Variants in BICDL1 observed in about 807,000 individuals in gnomAD.
The protein encoded by BICDL1 is BICD family-like cargo adapter 1.
In BICDL1, 20 loss-of-function variants were observed where a neutral mutation model predicts 76.8. The observed-to-expected ratio is 0.26, with a 90% CI of 0.18 to 0.38. BICDL1 has a LOEUF of 0.38. Ranked by LOEUF, BICDL1 falls within the 10% of genes least tolerant of loss-of-function variation. The pLI is 1.00. For missense variants in BICDL1, 700 were observed against 798.6 expected (o/e 0.88, Z 1.49); for synonymous variants, 383 against 337.1 (o/e 1.14, Z -1.49).
At chr12:120,083,598 C>A (rs1348962006) in intron 8 of BICDL1, among the ~76,000 whole-genome samples, 1 of 151,618 alleles carries the variant, frequency 6.6e-6, no homozygotes, top group East Asian at 1.9e-4. Context: ...AATGTGTCTA[C>A]TTTGGGGTCA....
intron 2 of BICDL1, among the ~76,000 whole-genome samples, chr12:120,024,661 TATA>T (rs1177536040): frequency 1.3e-5 from 2 of 151,244 alleles, no homozygotes; most frequent in African/African-American, 2.4e-5. Flanking sequence ...TACTCTCAAA[TATA>T]ATAATTTATT....
At position 119,998,535 on chromosome 12, in the gene BICDL1, G is replaced by A; in HGVS notation, c.444G>A (p.Glu148=). Residue 148 remains glutamate, a synonymous_variant, in exon 2 of 10, where the codon GAG becomes GAA. Coordinates refer to ENST00000548673, the MANE Select transcript of BICDL1 (RefSeq NM_001367886.1). ...TTTTCACCCAGCACTTAGAGCAAGAGAAACATGAATTGAGAAGACGATTTG... is the reference window on the plus strand; with the variant it reads ...TTTTCACCCAGCACTTAGAGCAAGAAAAACATGAATTGAGAAGACGATTTG... ...LTDKLEHLEQ[E]KHELRRRFEN... is the part of the protein sequence containing the mutation. 1.2e-6 allele frequency: 2 copies of A among 1,607,982 alleles called. No individual in the cohort carries two copies. The highest frequency in any genetic ancestry group is 8.5e-7 in the Non-Finnish European group (1 of 1,177,192).
chr12:120,019,129 T>G (rs1952127907), intron 2 of BICDL1: 1 of 152,020 alleles, frequency 6.6e-6, no homozygotes, highest in Non-Finnish European at 1.5e-5. Flanking sequence ...ACCGCCAGCT[T>G]GCTTAAGGTG....
chr12:120,049,125 C>A (rs1405474955), intron 2 of BICDL1, among the ~76,000 whole-genome samples: 1 of 152,140 alleles, frequency 6.6e-6, no homozygotes, highest in Non-Finnish European at 1.5e-5. Context: ...AGAGTTTGTG[C>A]CTGGGGTGCT....
At chr12:120,050,101 T>A (rs146056219) in intron 2 of BICDL1, among the ~76,000 whole-genome samples, 2 of 152,322 alleles carry the variant, frequency 1.3e-5, no homozygotes, top group East Asian at 1.9e-4. Flanking sequence ...CATTCATTTA[T>A]TTTTGTCTTT....
At chr12:119,996,624 G>A (rs1951651232) in intron 1 of BICDL1, among the ~76,000 whole-genome samples, 1 of 152,072 alleles carries the variant, frequency 6.6e-6, no homozygotes, top group Non-Finnish European at 1.5e-5. Flanking sequence ...AGTGCTTGAT[G>A]TCAACCTTCA....
intron 2 of BICDL1, among the ~76,000 whole-genome samples, chr12:120,005,335 ATGT>A (rs1283191775): frequency 1.3e-5 from 2 of 152,118 alleles, no homozygotes; most frequent in African/African-American, 4.8e-5. Context: ...ACATGCACAC[ATGT>A]TGTACATAAC....
At chr12:120,061,679 G>A (rs767533301) in intron 2 of BICDL1, 31 bp from the exon 3 acceptor site, 7 of 1,467,140 alleles carry the variant, frequency 4.8e-6, no homozygotes, top group East Asian at 2.3e-5. Flanking sequence ...CATAACCTCC[G>A]AATCAGCTCT....
intron 2 of BICDL1, among the ~76,000 whole-genome samples, chr12:120,003,122 C>T (rs959520810): frequency 1.3e-5 from 2 of 149,184 alleles, no homozygotes; most frequent in African/African-American, 4.9e-5. Flanking sequence ...TGTGCCACTG[C>T]ACTCCAGCCT....
At chr12:120,020,682 A>G (rs1056050276) in intron 2 of BICDL1, among the ~76,000 whole-genome samples, 14 of 152,230 alleles carry the variant, frequency 9.2e-5, no homozygotes, top group African/African-American at 2.9e-4. Context: ...TCTACAGATG[A>G]TAAAACTATT....
chr12:120,050,693 A>G (rs1594168039), intron 2 of BICDL1, among the ~76,000 whole-genome samples: 1 of 150,422 alleles, frequency 6.6e-6, no homozygotes, highest in Non-Finnish European at 1.5e-5. Flanking sequence ...CCAGGCTGGA[A>G]TGCAGTGGCA....
Position 119,989,468 on chromosome 12 carries a change from A to AGCAGCC in BICDL1, c.-396_-395insCGCAGC, listed in dbSNP as rs1555277948. On this transcript the variant is annotated 5_prime_UTR_variant, in exon 1 of 10. Transcript: ENST00000548673. ...GCGCTGCCCGGCCGGCGGCGGCAGCAGCAGCAGCAGCGGCAGCGGCAACAG... is the reference window on the plus strand; with the variant it reads ...GCGCTGCCCGGCCGGCGGCGGCAGCAGCAGCCGCAGCAGCAGCGGCAGCGGCAACAG... 4.1e-5 allele frequency among the ~76,000 whole-genome samples: 6 copies of AGCAGCC among 147,804 alleles called. No individual in the cohort carries two copies. Among genetic ancestry groups the AGCAGCC allele is most frequent in the Admixed American group, 1.3e-4 (2 of 15,038 alleles).
At chr12:120,075,495 C>T (rs745413225) in intron 7 of BICDL1, among the ~76,000 whole-genome samples, 1 of 151,870 alleles carries the variant, frequency 6.6e-6, no homozygotes, top group Non-Finnish European at 1.5e-5. Context: ...TAGGCTCAAG[C>T]AATCCTTCCA....
At chr12:119,994,539 G>A (rs1951596683) in intron 1 of BICDL1, among the ~76,000 whole-genome samples, 2 of 151,972 alleles carry the variant, frequency 1.3e-5, no homozygotes, top group Non-Finnish European at 2.9e-5. Flanking sequence ...ACCCAGGCTG[G>A]AGTGCAGTGG....
intron 2 of BICDL1, among the ~76,000 whole-genome samples, chr12:120,059,525 C>T (rs184322591): frequency 1.4e-3 from 220 of 152,158 alleles, no homozygotes; most frequent in Non-Finnish European, 2.4e-3. Flanking sequence ...CCGCCCACCT[C>T]GGCCTCTCAA....
Position 120,064,725 on chromosome 12 carries a change from C to T in BICDL1, c.763-8C>T. The T allele has an allele frequency of 6.2e-7, 1 of 1,601,998 alleles. No homozygotes were observed. Among genetic ancestry groups the T allele is most frequent in the African/African-American group, 1.3e-5 (1 of 74,582 alleles). ...CCACACCACCCCTGTGGCTCTCCACCCTTTCAGATCAAGATGCTGTCAGAT... is the reference window on the plus strand; with the variant it reads ...CCACACCACCCCTGTGGCTCTCCACTCTTTCAGATCAAGATGCTGTCAGAT... On this transcript the variant is annotated splice_region_variant and splice_polypyrimidine_tract_variant and intron_variant, in intron 3 of 9. Transcript: ENST00000548673.
intron 4 of BICDL1, among the ~76,000 whole-genome samples, chr12:120,065,211 G>A (rs796801592): frequency 1.4e-4 from 21 of 152,332 alleles, no homozygotes; most frequent in African/African-American, 4.6e-4. Context: ...TCTGCTAGAA[G>A]GTTTCAGAGG....
rs537263156 is a variant in BICDL1 at position 120,093,388 on chromosome 12, G to C, written c.*227G>C. The C allele has an allele frequency of 8.9e-6, 5 of 564,870 alleles. No individual in the cohort carries two copies. Among genetic ancestry groups the C allele is most frequent in the African/African-American group, 7.6e-5 (4 of 52,544 alleles). The allele number at this position is 564,870 out of a possible 1,614,324, so 35.0% of individuals were successfully genotyped here. On this transcript the variant is annotated 3_prime_UTR_variant, in exon 10 of 10. Coordinates refer to ENST00000548673, the MANE Select transcript of BICDL1 (RefSeq NM_001367886.1). Reference sequence around the variant, plus strand: ...TTCCCTTGGCCCACCGCCTGGCCAAGCCCACGCCTGGGCTTCTCCAGGACC... The same window carrying C: ...TTCCCTTGGCCCACCGCCTGGCCAACCCCACGCCTGGGCTTCTCCAGGACC...
intron 3 of BICDL1, among the ~76,000 whole-genome samples, 195 bp downstream of exon 3, chr12:120,062,021 G>T (rs1953116553): frequency 6.6e-6 from 1 of 152,166 alleles, no homozygotes; most frequent in South Asian, 2.1e-4. Context: ...TTACTGCCGG[G>T]TGTGTTGAAA....
Sources: allele counts gnomAD v4.1 joint callset (sites outside exome capture counted in the v4.1 genomes callset), GRCh38; gene constraint gnomAD v4.1.1; transcripts MANE v1.5; gene names NCBI Gene and HGNC (gene_info 2026-07-23, HGNC 2026-07-21).